Variants in PRKG1 observed in about 807,000 individuals in gnomAD.
The protein encoded by PRKG1 is protein kinase cGMP-dependent 1.
PRKG1 carries 35 observed loss-of-function variants against 88.1 expected under a neutral mutation model. The ratio of observed to expected loss-of-function variants is 0.40; its 90% confidence interval spans 0.30 to 0.53. PRKG1 has a LOEUF of 0.53. Among genes scored for constraint, PRKG1 ranks in the 20% least tolerant of loss-of-function variants. PRKG1 has a pLI of 0.59. For missense variants in PRKG1, 540 were observed against 839.8 expected, an observed-to-expected ratio of 0.64 and a Z score of 4.41; for synonymous variants, 303 against 292.5, an observed-to-expected ratio of 1.04 and a Z score of -0.37.
intron 3 of PRKG1, among the ~76,000 whole-genome samples, chr10:51,730,115 TG>T (rs1051231414): frequency 2.0e-5 from 3 of 152,186 alleles, no homozygotes; most frequent in African/African-American, 7.2e-5. Flanking sequence ...AACTCCCTTG[TG>T]GTGAAAATGA....
intron 1 of PRKG1, among the ~76,000 whole-genome samples, chr10:51,092,339 A>G (rs1430657844): frequency 6.6e-6 from 1 of 152,216 alleles, no homozygotes; most frequent in Non-Finnish European, 1.5e-5. Flanking sequence ...GAGGGTTTCA[A>G]TTAAACCTCT....
chr10:51,070,214 G>C (rs1296040900), upstream of PRKG1, among the ~76,000 whole-genome samples: 1 of 152,036 alleles, frequency 6.6e-6, no homozygotes, highest in Non-Finnish European at 1.5e-5. Context: ...ATGATTCTGT[G>C]ACTCCATTTT....
chr10:51,284,905 T>TA lies in PRKG1; in HGVS notation c.478+131575_478+131576insA, dbSNP rs1166662958. ...TTTTTTTTAAGCTATTCTTTTTTTT[T>TA]TTATTATACTTTAAGTTTTAGGGTA... On this transcript the variant is annotated intron_variant, in intron 2 of 17. Transcript: ENST00000373980. Among the ~76,000 whole-genome samples the TA allele has an allele frequency of 1.4e-3, 205 of 149,724 alleles. 2 individuals are homozygous for TA. Among genetic ancestry groups the TA allele is most frequent in the Middle Eastern group, 6.8e-3 (2 of 294 alleles).
At chr10:51,743,676 ATATATATAATTTAT>A (rs1317049324) in intron 3 of PRKG1, among the ~76,000 whole-genome samples, 1 of 138,854 alleles carries the variant, frequency 7.2e-6, no homozygotes, top group African/African-American at 2.7e-5. Flanking sequence ...ATATATTTAT[ATATATATAATTTAT>A]TATATATATA....
intron 2 of PRKG1, among the ~76,000 whole-genome samples, chr10:51,365,687 A>AATCTGCAT (rs1476317480): frequency 3.3e-5 from 5 of 151,946 alleles, no homozygotes; most frequent in Admixed American, 3.3e-4. Flanking sequence ...GGTAAATTAG[A>AATCTGCAT]ATCTGCATTT....
intron 9 of PRKG1, among the ~76,000 whole-genome samples, chr10:52,235,956 A>C: frequency 1.2e-5 from 1 of 81,776 alleles, no homozygotes; most frequent in African/African-American, 4.7e-5. Context: ...CAGAAATTAT[A>C]ACAAACTATC....
At chr10:52,093,691 C>CAAA (rs1847108580) in intron 7 of PRKG1, among the ~76,000 whole-genome samples, 1 of 152,152 alleles carries the variant, frequency 6.6e-6, no homozygotes, top group Non-Finnish European at 1.5e-5. Flanking sequence ...TGCAAATAAT[C>CAAA]ACCTCTGTTT....
At chr10:51,809,758 T>C (rs1046616340) in intron 4 of PRKG1, among the ~76,000 whole-genome samples, 1 of 152,180 alleles carries the variant, frequency 6.6e-6, no homozygotes, top group African/African-American at 2.4e-5. Context: ...AAGACAGATA[T>C]GCTCACGTCA....
At chr10:51,049,876 T>A (rs904702895) in intron 1 of PRKG1, among the ~76,000 whole-genome samples, 1 of 152,176 alleles carries the variant, frequency 6.6e-6, no homozygotes, top group Non-Finnish European at 1.5e-5. Flanking sequence ...AGTACCCATA[T>A]GCATGGCATG....
intron 5 of PRKG1, among the ~76,000 whole-genome samples, chr10:51,950,354 A>G (rs1374018861): frequency 6.6e-6 from 1 of 152,266 alleles, no homozygotes; most frequent in East Asian, 1.9e-4. Flanking sequence ...CACCAAGTAC[A>G]TACTGAATAA....
chr10:51,645,104 C>A (rs150804518), intron 3 of PRKG1, among the ~76,000 whole-genome samples: 7 of 152,282 alleles, frequency 4.6e-5, no homozygotes, highest in Admixed American at 4.6e-4. Context: ...TTACAGGTGT[C>A]AGCTGCCGCA....
chr10:52,070,995 G>C (rs1846482554), intron 7 of PRKG1, among the ~76,000 whole-genome samples: 1 of 152,110 alleles, frequency 6.6e-6, no homozygotes, highest in African/African-American at 2.4e-5. Context: ...TTGCCACATA[G>C]GGTCAAGGTG....
At chr10:52,028,630 A>G (rs752604147) in intron 5 of PRKG1, among the ~76,000 whole-genome samples, 1 of 152,162 alleles carries the variant, frequency 6.6e-6, no homozygotes, top group Non-Finnish European at 1.5e-5. Context: ...AACAGATCCT[A>G]AGTGTACCTG....
At chr10:52,152,369 C>A (rs1460616066) in intron 8 of PRKG1, among the ~76,000 whole-genome samples, 1 of 151,948 alleles carries the variant, frequency 6.6e-6, no homozygotes, top group East Asian at 1.9e-4. Flanking sequence ...AGGAAGACAG[C>A]AGATATTTAA....
At position 51,768,009 on chromosome 10, in the gene PRKG1, T is replaced by TA. The variant is rs532815967; in HGVS notation, c.593-36566dup. Among the ~76,000 whole-genome samples, 108 of 146,166 alleles carry TA rather than the reference T, an allele frequency of 7.4e-4. 1 individual carries two copies. The highest frequency in any genetic ancestry group is 6.9e-3 in the East Asian group (35 of 5,098). ...TAGGTAAAGGCATTTTGCTGTTAAT[T>TA]AAAAAAAAAATAAATAAATAAAAAA... is the stretch of plus-strand genomic sequence containing the variant. On this transcript the variant is annotated intron_variant, in intron 3 of 17. Coordinates refer to ENST00000373980, the MANE Select transcript of PRKG1 (RefSeq NM_006258.4).
At chr10:51,880,097 G>A (rs183469670) in intron 4 of PRKG1, among the ~76,000 whole-genome samples, 189 of 152,198 alleles carry the variant, frequency 1.2e-3, no homozygotes, top group African/African-American at 4.3e-3. Flanking sequence ...GAGATACCTC[G>A]TTTGCACAAG....
chr10:51,563,697 A>G (rs1837528974), intron 3 of PRKG1, among the ~76,000 whole-genome samples: 1 of 152,192 alleles, frequency 6.6e-6, no homozygotes, highest in African/African-American at 2.4e-5. Flanking sequence ...AGGAAACATA[A>G]TTTCACAAAA....
chr10:51,849,244 G>A (rs1840484009), intron 4 of PRKG1, among the ~76,000 whole-genome samples: 1 of 152,090 alleles, frequency 6.6e-6, no homozygotes, highest in African/African-American at 2.4e-5. Flanking sequence ...CGTTCTTGGA[G>A]CCAAACAGGC....
chr10:52,131,322 A>C (rs1191546506), intron 7 of PRKG1, among the ~76,000 whole-genome samples: 2 of 152,182 alleles, frequency 1.3e-5, no homozygotes, highest in Non-Finnish European at 2.9e-5. Flanking sequence ...GTATTAATAT[A>C]AATTACAAAT....
Sources: allele counts gnomAD v4.1 joint callset (sites outside exome capture counted in the v4.1 genomes callset), GRCh38; gene constraint gnomAD v4.1.1; transcripts MANE v1.5; gene names NCBI Gene and HGNC (gene_info 2026-07-23, HGNC 2026-07-21).